Variants in NEO1 observed in about 807,000 individuals in gnomAD.
NEO1 encodes neogenin.
NEO1 carries 63 observed loss-of-function variants against 159.7 expected under a neutral mutation model. That is an observed-to-expected ratio of 0.39 (90% CI 0.32 to 0.49). The LOEUF is 0.49. Ranked by LOEUF, NEO1 falls within the 20% of genes least tolerant of loss-of-function variation. NEO1 has a pLI of 0.85. For missense variants in NEO1, 1,615 were observed against 1,831.0 expected (o/e 0.88, Z 2.15); for synonymous variants, 633 against 662.0 (o/e 0.96, Z 0.67).
intron 7 of NEO1, 72 bp from the exon 8 acceptor site, chr15:73,236,275 G>C: frequency 6.2e-7 from 1 of 1,602,578 alleles, no homozygotes; most frequent in African/African-American, 1.3e-5. Context: ...CCCAATGTTT[G>C]CACATGACAA....
intron 7 of NEO1, among the ~76,000 whole-genome samples, chr15:73,185,742 A>G (rs957106243): frequency 1.3e-5 from 2 of 152,204 alleles, no homozygotes; most frequent in African/African-American, 4.8e-5. Context: ...ATCCTTTGGT[A>G]TCTGAATGGA....
chr15:73,226,844 T>A (rs1301375164), intron 7 of NEO1, among the ~76,000 whole-genome samples: 1 of 152,178 alleles, frequency 6.6e-6, no homozygotes, highest in Non-Finnish European at 1.5e-5. Flanking sequence ...TAAAGAAATT[T>A]CAAAACTATT....
intron 1 of NEO1, among the ~76,000 whole-genome samples, chr15:73,104,820 A>C (rs896449926): frequency 3.9e-5 from 6 of 152,142 alleles, no homozygotes; most frequent in African/African-American, 1.4e-4. Context: ...ACATCTTCAC[A>C]TGGAGAAGTA....
At position 73,116,815 on chromosome 15, in the gene NEO1, C is replaced by T; in HGVS notation, c.406C>T (p.Leu136Phe). Residue 136 changes from leucine (L) to phenylalanine (F), a missense_variant, in exon 2 of 29, where the codon CTT becomes TTT. Physicochemically the swap from Leu to Phe is conservative, Grantham distance 22. Coordinates refer to ENST00000261908, the MANE Select transcript of NEO1 (RefSeq NM_002499.4). The part of the protein sequence containing the change: ...YYQCVATVES[L>F]GTIISRTAKL... ...TCAGTGTGTGGCCACTGTTGAGAGT[C>T]TTGGAACTATTATCAGTAGAACAGC... The T allele has an allele frequency of 6.2e-7, 1 of 1,604,304 alleles. No individual in the cohort carries two copies. Among genetic ancestry groups the T allele is most frequent in the Non-Finnish European group, 8.5e-7 (1 of 1,176,364 alleles).
At chr15:73,065,087 G>A (rs2151275255) in intron 1 of NEO1, among the ~76,000 whole-genome samples, 1 of 151,928 alleles carries the variant, frequency 6.6e-6, no homozygotes, top group African/African-American at 2.4e-5. Context: ...ATGATTTCAT[G>A]GACAGTGCAA....
chr15:73,176,015 A>T (rs1038451769), intron 5 of NEO1, among the ~76,000 whole-genome samples: 3 of 152,200 alleles, frequency 2.0e-5, no homozygotes, highest in African/African-American at 7.2e-5. Flanking sequence ...ACTGAAAAGG[A>T]AAGTTTTATC....
intron 1 of NEO1, among the ~76,000 whole-genome samples, chr15:73,078,296 A>AGAAG (rs2068872963): frequency 1.3e-5 from 2 of 152,150 alleles, no homozygotes; most frequent in Non-Finnish European, 2.9e-5. Context: ...AGAAGCAGGG[A>AGAAG]GAAGGATATT....
chr15:73,052,650 C>T lies in NEO1; in HGVS notation c.-26C>T, dbSNP rs1170349739. ...AAGGGCTCCGCGGCGCTGTCGCCGC[C>T]GCTGCCGCTCACTCTCGGGGAAGAG... is the stretch of plus-strand genomic sequence containing the variant. On this transcript the variant is annotated 5_prime_UTR_variant, in exon 1 of 29. Transcript: ENST00000261908. The T allele has an allele frequency of 1.4e-5, 18 of 1,255,104 alleles. No homozygotes were observed. Among genetic ancestry groups the T allele is most frequent in the African/African-American group, 3.2e-5 (2 of 62,424 alleles). The allele number at this position is 1,255,104 out of a possible 1,614,324, so 77.7% of individuals were successfully genotyped here. A position where few individuals can be genotyped will look rare whatever the true frequency, so the allele number is the denominator to read the frequency against.
chr15:73,110,627 CAG>C (rs1419068275), intron 1 of NEO1, among the ~76,000 whole-genome samples: 1 of 152,060 alleles, frequency 6.6e-6, no homozygotes, highest in East Asian at 1.9e-4. Flanking sequence ...AGTATTCTAT[CAG>C]AATGTGAGGA....
intron 7 of NEO1, among the ~76,000 whole-genome samples, chr15:73,183,808 T>A (rs1470993351): frequency 6.6e-6 from 1 of 152,100 alleles, no homozygotes; most frequent in Non-Finnish European, 1.5e-5. Flanking sequence ...ACAATGGTAG[T>A]CTCCCAGTAG....
intron 4 of NEO1, 83 bp from the exon 5 acceptor site, chr15:73,135,808 C>T: frequency 8.2e-7 from 1 of 1,225,970 alleles, no homozygotes; most frequent in Non-Finnish European, 1.1e-6. Flanking sequence ...TAAGTGTTTT[C>T]TCTATTTTAT....
intron 5 of NEO1, among the ~76,000 whole-genome samples, chr15:73,152,793 T>TGG (rs572361026): frequency 7.2e-4 from 109 of 151,892 alleles, no homozygotes; most frequent in African/African-American, 2.4e-3. Flanking sequence ...GCTAGGTGTG[T>TGG]GGGGGGGAAA....
chr15:73,155,242 G>C (rs2033694380), intron 5 of NEO1, among the ~76,000 whole-genome samples: 1 of 151,840 alleles, frequency 6.6e-6, no homozygotes, highest in Admixed American at 6.6e-5. Flanking sequence ...TGATGGTGGT[G>C]GTGGTGGTTT....
intron 5 of NEO1, among the ~76,000 whole-genome samples, chr15:73,174,026 T>C (rs1465631334): frequency 2.0e-5 from 3 of 150,620 alleles, no homozygotes; most frequent in Non-Finnish European, 4.4e-5. Flanking sequence ...CTTGAACCTG[T>C]GAGGCGAAGA....
At chr15:73,192,443 A>C (rs1045074469) in intron 7 of NEO1, among the ~76,000 whole-genome samples, 19 of 151,978 alleles carry the variant, frequency 1.3e-4, no homozygotes, top group African/African-American at 4.6e-4. Context: ...GAGTTCTTGA[A>C]ACATTGTAAA....
At chr15:73,182,182 C>G (rs560348948) in intron 7 of NEO1, among the ~76,000 whole-genome samples, 1 of 152,232 alleles carries the variant, frequency 6.6e-6, no homozygotes, top group East Asian at 1.9e-4. Context: ...AGACCCACCC[C>G]TATAATTCAA....
chr15:73,087,223 T>C (rs891848762), intron 1 of NEO1, among the ~76,000 whole-genome samples: 2 of 152,224 alleles, frequency 1.3e-5, no homozygotes, highest in Non-Finnish European at 2.9e-5. Flanking sequence ...GGTAGTTGAA[T>C]TTTGTCAAAT....
intron 7 of NEO1, among the ~76,000 whole-genome samples, chr15:73,209,758 G>A (rs923887104): frequency 6.6e-6 from 1 of 152,110 alleles, no homozygotes; most frequent in South Asian, 2.1e-4. Context: ...TTGGGAGGCC[G>A]AGGCAGGTGG....
At chr15:73,102,344 CTA>C in intron 1 of NEO1, among the ~76,000 whole-genome samples, 1 of 152,096 alleles carries the variant, frequency 6.6e-6, no homozygotes, top group East Asian at 1.9e-4. Context: ...CCTGCCTGGG[CTA>C]TAGAGCAAGA....
Sources: gnomAD v4.1 joint callset for allele counts (sites outside exome capture counted in the v4.1 genomes callset) on GRCh38, gnomAD v4.1.1 for gene constraint, MANE v1.5 for transcripts, NCBI Gene and HGNC (gene_info 2026-07-23, HGNC 2026-07-21) for gene names.